The following PREP variants were observed in gnomAD, a reference collection of about 807,000 sequenced individuals.
PREP encodes the protein dJ355L5.1 (prolyl endopeptidase).
PREP carries 29 observed loss-of-function variants against 87.6 expected under a neutral mutation model. The ratio of observed to expected loss-of-function variants is 0.33; its 90% CI spans 0.25 to 0.45. PREP has a LOEUF of 0.45. Among genes scored for constraint, PREP ranks in the 20% least tolerant of loss-of-function variants. The pLI is 1.00. For synonymous variants in PREP, 337 were observed against 328.6 expected (o/e 1.03, Z -0.28); for missense variants, 695 against 886.5 (o/e 0.78, Z 2.74).
Position 105,367,489 on chromosome 6 carries a change from C to T in PREP, c.717+1414G>A, listed in dbSNP as rs189149124. ...GAGATCGAGACCATCCCGGCTAAAA[C>T]GGTGAAACCCCGTCTCTACTAAAAA... is the stretch of plus-strand genomic sequence containing the variant. On this transcript the variant is annotated intron_variant, in intron 6 of 14. Coordinates refer to ENST00000652536, the MANE Select transcript of PREP (RefSeq NM_002726.5). Among the ~76,000 whole-genome samples the T allele has an allele frequency of 7.4e-3, 1,128 of 152,020 alleles. 11 individuals carry two copies. The highest frequency in any genetic ancestry group is 0.01 in the Non-Finnish European group (687 of 67,948).
chr6:105,396,436 C>T (rs1223129200), intron 2 of PREP, among the ~76,000 whole-genome samples: 2 of 152,172 alleles, frequency 1.3e-5, no homozygotes, highest in East Asian at 3.9e-4. Flanking sequence ...GTGGTTTACT[C>T]CCCTGCCTCT....
At position 105,340,187 on chromosome 6, in the gene PREP, A is replaced by G. The variant is rs970851135; in HGVS notation, c.824-6682T>C. ...AAGGGAAGCCCATCAGACTAAAAGCAGATCTCTCGGCAGAAACTCTACAAG... is the reference window on the plus strand; with the variant it reads ...AAGGGAAGCCCATCAGACTAAAAGCGGATCTCTCGGCAGAAACTCTACAAG... On this transcript the variant is annotated intron_variant, in intron 7 of 14. Coordinates refer to ENST00000652536, the MANE Select transcript of PREP (RefSeq NM_002726.5). 2.0e-5 allele frequency among the ~76,000 whole-genome samples: 3 copies of G among 152,348 alleles called. No homozygotes were observed. The South Asian group carries it at 6.2e-4, about 32-fold the overall frequency.
At chr6:105,357,429 T>C (rs867355939) in intron 6 of PREP, among the ~76,000 whole-genome samples, 14 of 152,258 alleles carry the variant, frequency 9.2e-5, no homozygotes, top group African/African-American at 3.4e-4. Context: ...TAGCAGTTTA[T>C]ACTTAATCTG....
intron 2 of PREP, among the ~76,000 whole-genome samples, chr6:105,380,398 C>T (rs1001104103): frequency 2.0e-5 from 3 of 152,118 alleles, no homozygotes; most frequent in Non-Finnish European, 2.9e-5. Flanking sequence ...TATGATGTTT[C>T]GATCTCTCAT....
intron 6 of PREP, among the ~76,000 whole-genome samples, chr6:105,362,130 A>G (rs532631377): frequency 3.3e-5 from 5 of 152,372 alleles, no homozygotes; most frequent in African/African-American, 1.2e-4. Context: ...TTTCTAAGTT[A>G]GCTGGTTGTC....
chr6:105,393,236 C>A (rs1773203175), intron 2 of PREP, among the ~76,000 whole-genome samples: 1 of 152,060 alleles, frequency 6.6e-6, no homozygotes, highest in South Asian at 2.1e-4. Flanking sequence ...ATCTGTAGCT[C>A]TTTTATAAGA....
chr6:105,320,342 C>T (rs1313145846), intron 10 of PREP, among the ~76,000 whole-genome samples: 2 of 152,126 alleles, frequency 1.3e-5, no homozygotes, highest in African/African-American at 4.8e-5. Context: ...AATTTTCTAC[C>T]CACAGCTATA....
Position 105,278,654 on chromosome 6 carries a change from C to T in PREP, c.1839-216G>A, listed in dbSNP as rs1770002882. Among the ~76,000 whole-genome samples the T allele has an allele frequency of 6.6e-6, 1 of 152,158 alleles. No individual in the cohort carries two copies. The highest frequency in any genetic ancestry group is 2.1e-4 in the South Asian group (1 of 4,826). On this transcript the variant is annotated intron_variant, in intron 14 of 14. Coordinates refer to ENST00000652536, the MANE Select transcript of PREP (RefSeq NM_002726.5). This position sits in a 1 kb window ranked among gnomAD's most constrained non-coding sequence, Gnocchi z 4.2. Reference sequence around the variant, plus strand: ...TTTATGTGGCTCCAACTTTGAAAGACTGTAGGAAGGAAGCTCACAGGTCTG... The same window carrying T: ...TTTATGTGGCTCCAACTTTGAAAGATTGTAGGAAGGAAGCTCACAGGTCTG...
At chr6:105,396,932 C>T (rs1173081160) in intron 2 of PREP, among the ~76,000 whole-genome samples, 3 of 151,922 alleles carry the variant, frequency 2.0e-5, no homozygotes, top group African/African-American at 7.3e-5. Context: ...ACTTGTAATC[C>T]CAACACTTTG....
rs1396522854 is a variant in PREP, at chr6:105,377,569, T to A, written c.121-50A>T. ...AGCAAGTTAAATATAAAATTTTCCA[T>A]GTGAAATATTATCCACTAATATGTA... On this transcript the variant is annotated intron_variant, in intron 2 of 14. Coordinates refer to ENST00000652536, the MANE Select transcript of PREP (RefSeq NM_002726.5). The A allele has an allele frequency of 2.5e-6, 4 of 1,588,286 alleles. No individual in the cohort carries two copies. The East Asian group carries it at 9.0e-5, about 36-fold the overall frequency.
chr6:105,376,851 G>A (rs1211082602), intron 3 of PREP, among the ~76,000 whole-genome samples: 2 of 152,192 alleles, frequency 1.3e-5, no homozygotes, highest in African/African-American at 2.4e-5. Context: ...CAGACTGTAC[G>A]TTGCCGATCT....
chr6:105,384,631 C>T (rs867482203), intron 2 of PREP, among the ~76,000 whole-genome samples: 1 of 152,110 alleles, frequency 6.6e-6, no homozygotes, highest in South Asian at 2.1e-4. Flanking sequence ...CAATTCTAAC[C>T]CACAGGCAAT....
At chr6:105,375,074 T>A (rs1423781218) in intron 4 of PREP, among the ~76,000 whole-genome samples, 1 of 152,058 alleles carries the variant, frequency 6.6e-6, no homozygotes, top group Non-Finnish European at 1.5e-5. Context: ...CTCAGATTCA[T>A]GGAAGAATCT....
At chr6:105,322,918 C>G (rs1465434224) in intron 10 of PREP, 2 of 1,212,664 alleles carry the variant, frequency 1.6e-6, no homozygotes, top group Non-Finnish European at 2.1e-6. Flanking sequence ...GCTCTTTATT[C>G]TCATCTTCCT....
At chr6:105,337,672 C>T (rs1423424152) in intron 7 of PREP, among the ~76,000 whole-genome samples, 3 of 152,236 alleles carry the variant, frequency 2.0e-5, no homozygotes, top group Non-Finnish European at 4.4e-5. Flanking sequence ...CACATTCCAG[C>T]ATTCCTGCTT....
intron 4 of PREP, among the ~76,000 whole-genome samples, chr6:105,374,432 A>C (rs1352404293): frequency 6.6e-6 from 1 of 152,022 alleles, no homozygotes; most frequent in Non-Finnish European, 1.5e-5. Flanking sequence ...AAGAAGCTCA[A>C]CTATTATTAG....
intron 6 of PREP, among the ~76,000 whole-genome samples, chr6:105,353,719 C>G (rs1258267238): frequency 1.4e-5 from 2 of 145,702 alleles, no homozygotes; most frequent in Admixed American, 6.9e-5. Flanking sequence ...TTGCAGTGAG[C>G]TGACACGGTG....
At chr6:105,306,694 C>T (rs13218970) in intron 10 of PREP, among the ~76,000 whole-genome samples, 1 of 152,166 alleles carries the variant, frequency 6.6e-6, no homozygotes, top group Non-Finnish European at 1.5e-5. Context: ...TCTTCTCCCA[C>T]CATACACACT....
chr6:105,376,751 A>G (rs1772697993), intron 3 of PREP, among the ~76,000 whole-genome samples: 1 of 152,214 alleles, frequency 6.6e-6, no homozygotes, highest in Admixed American at 6.5e-5. Flanking sequence ...GCACAAAAGC[A>G]GCTATGGACA....
Sources: allele counts gnomAD v4.1 joint callset (sites outside exome capture counted in the v4.1 genomes callset), GRCh38; gene constraint gnomAD v4.1.1; non-coding constraint Gnocchi (gnomAD v3.1); transcripts MANE v1.5; gene names NCBI Gene and HGNC (gene_info 2026-07-23, HGNC 2026-07-21).